Variants in EPHA5 observed in about 807,000 individuals in gnomAD.
The protein encoded by EPHA5 is EPH receptor A5, also known as ephrin type-A receptor 5.
Under a neutral mutation model 105.0 loss-of-function variants are expected in EPHA5, and 60 were observed. The ratio of observed to expected loss-of-function variants is 0.57; its 90% CI spans 0.46 to 0.71. The LOEUF (loss-of-function observed/expected upper bound fraction) is 0.71, where lower values mean the gene tolerates loss of function less well. Ranked by LOEUF, EPHA5 falls within the 30% of genes least tolerant of loss-of-function variation. The pLI is 0.00. For synonymous variants in EPHA5, 513 were observed against 449.1 expected (o/e 1.14, Z -1.80); for missense variants, 1,218 against 1,274.7 (o/e 0.96, Z 0.68).
chr4:65,407,947 T>C (rs2148999850), intron 7 of EPHA5, among the ~76,000 whole-genome samples: 1 of 151,970 alleles, frequency 6.6e-6, no homozygotes, highest in South Asian at 2.1e-4. Flanking sequence ...TTTGTTTTTA[T>C]TGTGAAGGGG....
At chr4:65,559,778 A>G (rs569294843) in intron 3 of EPHA5, among the ~76,000 whole-genome samples, 3 of 152,294 alleles carry the variant, frequency 2.0e-5, no homozygotes, top group Admixed American at 6.5e-5. Flanking sequence ...ATTTATTAAT[A>G]TCTTATAAAT....
Position 65,350,901 on chromosome 4 carries a change from G to A in EPHA5, c.2445+488C>T, listed in dbSNP as rs13435846. 9.9e-3 allele frequency among the ~76,000 whole-genome samples: 1,501 copies of A among 152,034 alleles called. 24 individuals are homozygous for A. The highest frequency in any genetic ancestry group is 0.034 in the African/African-American group (1,429 of 41,504). On this transcript the variant is annotated intron_variant, in intron 13 of 16. Transcript: ENST00000613740. ...TCCCTACAATGTAAATCCTTAAAAG[G>A]TGGGAGCTAGATATTTCTGTATTTA... is the stretch of plus-strand genomic sequence containing the variant.
chr4:65,422,834 A>G (rs548444857), intron 5 of EPHA5, among the ~76,000 whole-genome samples: 1 of 152,224 alleles, frequency 6.6e-6, no homozygotes, highest in South Asian at 2.1e-4. Context: ...GAAAAATAAG[A>G]TAATAGCATT....
chr4:65,662,645 TG>T (rs541303846), intron 1 of EPHA5, among the ~76,000 whole-genome samples: 25 of 152,286 alleles, frequency 1.6e-4, no homozygotes, highest in Middle Eastern at 6.8e-3. Context: ...TTCTTTAGGC[TG>T]GGGTTTTATC....
chr4:65,553,971 A>T (rs1738162546), intron 3 of EPHA5, among the ~76,000 whole-genome samples: 1 of 152,010 alleles, frequency 6.6e-6, no homozygotes, highest in South Asian at 2.1e-4. Flanking sequence ...TATATAAAAA[A>T]TTTAAGTCTC....
In EPHA5 at chr4:65,326,014, C is replaced by CATAT. The variant is rs35999982; in HGVS notation, c.2946-1799_2946-1796dup. On this transcript the variant is annotated intron_variant, in intron 16 of 16. Transcript: ENST00000613740. ...GAGAATCATTGAGATATATATATCT[C>CATAT]ATATATATATATATCTCATATATAT... 4.3e-3 allele frequency among the ~76,000 whole-genome samples: 619 copies of CATAT among 144,120 alleles called. 1 individual carries two copies. The highest frequency in any genetic ancestry group is 0.011 in the Middle Eastern group (3 of 278). The allele number at this position is 144,120 out of a possible 152,430, so 94.5% of individuals were successfully genotyped here.
At chr4:65,584,814 G>A (rs569445465) in intron 3 of EPHA5, among the ~76,000 whole-genome samples, 252 of 151,992 alleles carry the variant, frequency 1.7e-3, no homozygotes, top group African/African-American at 5.3e-3. Context: ...ACTTATGAAA[G>A]TATTGTTAAA....
chr4:65,486,760 A>T (rs1034572084), intron 5 of EPHA5, among the ~76,000 whole-genome samples: 33 of 152,356 alleles, frequency 2.2e-4, no homozygotes, highest in African/African-American at 7.5e-4. Flanking sequence ...AACTTAAGAC[A>T]TTTTAGGAAT....
rs538248348 is a variant in EPHA5, at chr4:65,553,473, A to G, written c.910+48168T>C. The stretch of plus-strand genomic sequence containing the variant: ...CATTTCAAGTAATTACTTTTGCATC[A>G]TATTTTATATCACTGAAATTCTAGT... On this transcript the variant is annotated intron_variant, in intron 3 of 16. Coordinates refer to ENST00000613740, the MANE Select transcript of EPHA5 (RefSeq NM_001281766.3). 3.9e-5 allele frequency among the ~76,000 whole-genome samples: 6 copies of G among 152,090 alleles called. 1 individual carries two copies. The South Asian group carries it at 1.0e-3, about 26-fold the overall frequency.
chr4:65,506,093 A>G lies in EPHA5; in HGVS notation c.911-10550T>C, dbSNP rs149695693. ...ACAATTCCCACCTATGAGTGAGAAC[A>G]TGTGGTGCTTGGTCTTTTGTCCTTG... is the stretch of plus-strand genomic sequence containing the variant. On this transcript the variant is annotated intron_variant, in intron 3 of 16. Transcript: ENST00000613740. 2.1e-3 allele frequency among the ~76,000 whole-genome samples: 313 copies of G among 152,196 alleles called. 1 individual carries two copies. Among genetic ancestry groups the G allele is most frequent in the African/African-American group, 6.9e-3 (288 of 41,544 alleles).
At chr4:65,541,763 C>T (rs377319662) in intron 3 of EPHA5, among the ~76,000 whole-genome samples, 69 of 151,778 alleles carry the variant, frequency 4.5e-4, no homozygotes, top group African/African-American at 1.6e-3. Context: ...ATCTACAGAG[C>T]CCTCCACCCC....
chr4:65,549,274 C>T (rs1737667717), intron 3 of EPHA5, among the ~76,000 whole-genome samples: 1 of 152,052 alleles, frequency 6.6e-6, no homozygotes, highest in Non-Finnish European at 1.5e-5. Context: ...TGATCAAAAG[C>T]ATCCTTAAGA....
intron 14 of EPHA5, among the ~76,000 whole-genome samples, chr4:65,339,989 A>C (rs189499393): frequency 6.6e-6 from 1 of 152,314 alleles, no homozygotes; most frequent in East Asian, 1.9e-4. Flanking sequence ...TGTTATTTCA[A>C]GAACTTTTGT....
intron 5 of EPHA5, among the ~76,000 whole-genome samples, chr4:65,432,198 G>A (rs985959746): frequency 6.6e-6 from 1 of 152,150 alleles, no homozygotes. Flanking sequence ...ACCAATTCTT[G>A]TAAATTCAAG....
intron 3 of EPHA5, among the ~76,000 whole-genome samples, chr4:65,519,992 A>G (rs1734519708): frequency 6.6e-6 from 1 of 152,208 alleles, no homozygotes. Flanking sequence ...CCATCAAGCT[A>G]CCAATGACTT....
chr4:65,635,388 A>T (rs1024143228), intron 2 of EPHA5, among the ~76,000 whole-genome samples: 2 of 152,154 alleles, frequency 1.3e-5, no homozygotes, highest in Admixed American at 1.3e-4. Flanking sequence ...AAAAAAATTT[A>T]AAATGATGTT....
In EPHA5 at chr4:65,663,473, T is replaced by TA. The variant is rs200246898; in HGVS notation, c.181+6088dup. Among the ~76,000 whole-genome samples the TA allele has an allele frequency of 8.2e-3, 1,245 of 151,844 alleles. 5 individuals are homozygous for TA. Among genetic ancestry groups the TA allele is most frequent in the Middle Eastern group, 0.024 (7 of 294 alleles). On this transcript the variant is annotated intron_variant, in intron 1 of 16. Coordinates refer to ENST00000613740, the MANE Select transcript of EPHA5 (RefSeq NM_001281766.3). ...ATTTGAGCTTTTAGGGAAAAAAAAA[T>TA]AAAAAACAAAAAACAAGACCTTCAA... is the stretch of plus-strand genomic sequence containing the variant.
rs77857874 is a variant in EPHA5 at position 65,334,611 on chromosome 4, G to T, written c.2789+1321C>A. Among the ~76,000 whole-genome samples, 1,420 of 152,074 alleles carry T rather than the reference G, an allele frequency of 9.3e-3. 25 individuals carry two copies. The highest frequency in any genetic ancestry group is 0.033 in the African/African-American group (1,364 of 41,532). On this transcript the variant is annotated intron_variant, in intron 15 of 16. Transcript: ENST00000613740. The stretch of plus-strand genomic sequence containing the variant: ...AGGAACTAACAATTTCTAGAGTCAG[G>T]ATATGCACATGACTGAATAAAGGAA...
intron 5 of EPHA5, among the ~76,000 whole-genome samples, chr4:65,479,142 A>G (rs904115153): frequency 6.6e-6 from 1 of 152,176 alleles, no homozygotes; most frequent in Non-Finnish European, 1.5e-5. Context: ...CTATAGTAAC[A>G]TTTATTTACA....
Sources: gnomAD v4.1 joint callset for allele counts (sites outside exome capture counted in the v4.1 genomes callset) on GRCh38, gnomAD v4.1.1 for gene constraint, MANE v1.5 for transcripts, NCBI Gene and HGNC (gene_info 2026-07-23, HGNC 2026-07-21) for gene names.